THRB: variants seen among roughly 807,000 people sequenced by gnomAD.
THRB encodes thyroid hormone receptor beta.
In THRB, 12 loss-of-function variants were observed where a neutral mutation model predicts 47.8. The ratio of observed to expected loss-of-function variants is 0.25; its 90% CI spans 0.16 to 0.41. The LOEUF is 0.41. THRB is among the 10% of genes least tolerant of loss of function. The pLI is 1.00. For synonymous variants in THRB, 218 were observed against 212.2 expected (o/e 1.03, Z -0.24); for missense variants, 348 against 589.2 (o/e 0.59, Z 4.24).
intron 3 of THRB, among the ~76,000 whole-genome samples, chr3:24,246,267 C>T (rs2050103217): frequency 6.6e-6 from 1 of 152,086 alleles, no homozygotes; most frequent in Admixed American, 6.5e-5. Context: ...CCGTAGGGTC[C>T]TGGTCATTTT....
At chr3:24,242,341 A>G (rs1051563889) in intron 3 of THRB, among the ~76,000 whole-genome samples, 1 of 151,894 alleles carries the variant, frequency 6.6e-6, no homozygotes, top group Non-Finnish European at 1.5e-5. Context: ...GAACAATAGA[A>G]CCAGATTGCT....
At chr3:24,451,438 T>C (rs2072644608) in intron 1 of THRB, among the ~76,000 whole-genome samples, 1 of 152,122 alleles carries the variant, frequency 6.6e-6, no homozygotes, top group African/African-American at 2.4e-5. Flanking sequence ...GGTTTCACTA[T>C]GTTAGCCAAG....
chr3:24,479,069 T>C (rs1695948803), intron 1 of THRB, among the ~76,000 whole-genome samples: 1 of 151,918 alleles, frequency 6.6e-6, no homozygotes, highest in Non-Finnish European at 1.5e-5. Context: ...GAGGCCAAGG[T>C]GGGAGGATCA....
intron 1 of THRB, among the ~76,000 whole-genome samples, chr3:24,424,340 C>A (rs1470980310): frequency 6.6e-6 from 1 of 151,752 alleles, no homozygotes; most frequent in Non-Finnish European, 1.5e-5. Flanking sequence ...TGAAATAATC[C>A]CTAGGATTGA....
chr3:24,339,364 GGTAA>G (rs1192344107), intron 1 of THRB, among the ~76,000 whole-genome samples: 3 of 152,028 alleles, frequency 2.0e-5, no homozygotes, highest in African/African-American at 7.2e-5. Context: ...GACCGTATGA[GGTAA>G]GTATTATAAA....
intron 3 of THRB, among the ~76,000 whole-genome samples, chr3:24,292,647 G>T (rs1340936228): frequency 1.3e-5 from 2 of 152,144 alleles, no homozygotes; most frequent in African/African-American, 4.8e-5. Flanking sequence ...TCAGCACTGT[G>T]CCTGGCAAAT....
At chr3:24,376,916 G>A (rs564323801) in intron 1 of THRB, among the ~76,000 whole-genome samples, 29 of 152,134 alleles carry the variant, frequency 1.9e-4, no homozygotes, top group South Asian at 6.2e-4. Flanking sequence ...TGCTGTTTCT[G>A]CCTGCCCAAA....
At chr3:24,309,340 C>G (rs1195627419) in intron 2 of THRB, among the ~76,000 whole-genome samples, 1 of 152,306 alleles carries the variant, frequency 6.6e-6, no homozygotes, top group East Asian at 1.9e-4. Flanking sequence ...TGTTTCTTTA[C>G]TCTCTTTGAG....
At chr3:24,300,076 C>T (rs1388288397) in intron 2 of THRB, among the ~76,000 whole-genome samples, 1 of 152,038 alleles carries the variant, frequency 6.6e-6, no homozygotes, top group Admixed American at 6.6e-5. Flanking sequence ...AATATTTTCC[C>T]TATGCCTGAG....
At chr3:24,448,034 T>C (rs939815400) in intron 1 of THRB, among the ~76,000 whole-genome samples, 1 of 152,054 alleles carries the variant, frequency 6.6e-6, no homozygotes, top group African/African-American at 2.4e-5. Context: ...ATCTTGTTGG[T>C]CAGCAAGAAG....
chr3:24,337,781 AG>A (rs1372072787), intron 1 of THRB, among the ~76,000 whole-genome samples: 2 of 152,224 alleles, frequency 1.3e-5, no homozygotes, highest in Non-Finnish European at 2.9e-5. Flanking sequence ...TTCCTGGAAT[AG>A]GTCTCAACAT....
At chr3:24,177,932 C>CT (rs1044204666) in intron 5 of THRB, among the ~76,000 whole-genome samples, 32 of 151,972 alleles carry the variant, frequency 2.1e-4, no homozygotes, top group African/African-American at 7.5e-4. Flanking sequence ...GTGGCTGTGT[C>CT]TTTTTTTTAA....
chr3:24,190,314 C>A lies in THRB; in HGVS notation c.43G>T (p.Asp15Tyr), dbSNP rs1414721864. 1 of 1,614,070 alleles carries A rather than the reference C, an allele frequency of 6.2e-7. No individual in the cohort carries two copies. Residue 15 changes from aspartate to tyrosine, a missense_variant, in exon 5 of 11, where the codon GAC becomes TAC. Physicochemically the swap from Asp to Tyr is radical, Grantham distance 160. Around this residue, in one of 5 missense-constraint regions of THRB, gnomAD observed 148 missense variants for 122.3 expected, o/e 1.21. Transcript: ENST00000646209. ...SMTENGLTAW[D>Y]KPKHCPDREH... ...CGGTCTGGACAGTGCTTCGGTTTGT[C>A]CCAGGCTGTAAGGCCATTTTCTAAA...
chr3:24,185,003 CTTTGTTAT>C (rs536069646), intron 5 of THRB, among the ~76,000 whole-genome samples: 19 of 152,156 alleles, frequency 1.2e-4, no homozygotes, highest in Non-Finnish European at 2.5e-4. Context: ...TTTTAAGACA[CTTTGTTAT>C]TTTGGTAAAT....
intron 1 of THRB, chr3:24,483,776 T>C (rs1314633736): frequency 6.6e-6 from 1 of 152,236 alleles, no homozygotes; most frequent in Non-Finnish European, 1.5e-5. Context: ...AGTAGCATAG[T>C]GTAGCAAAGA....
intron 7 of THRB, chr3:24,144,744 T>C (rs1396326460): frequency 6.6e-6 from 1 of 152,084 alleles, no homozygotes; most frequent in Non-Finnish European, 1.5e-5. Context: ...ACTCTGTCTT[T>C]TCACAGAAAG....
At chr3:24,399,736 A>G (rs904507825) in intron 1 of THRB, among the ~76,000 whole-genome samples, 16 of 152,126 alleles carry the variant, frequency 1.1e-4, no homozygotes, top group African/African-American at 3.9e-4. Context: ...TATAGAAACA[A>G]ACACCCAGAG....
Position 24,184,340 on chromosome 3 carries a change from T to C in THRB, c.283+5734A>G, listed in dbSNP as rs189136136. Among the ~76,000 whole-genome samples, 12 of 152,302 alleles carry C rather than the reference T, an allele frequency of 7.9e-5. No individual in the cohort carries two copies. In the East Asian group the frequency reaches 2.1e-3, roughly 27 times the overall value. On this transcript the variant is annotated intron_variant, in intron 5 of 10. Transcript: ENST00000646209. ...GTAAGTATTTCCCTGGGACAGAGTA[T>C]GATGAGAGGTATGGTTGGGTACGTC...
At chr3:24,347,627 A>T (rs1315945271) in intron 1 of THRB, among the ~76,000 whole-genome samples, 2 of 150,934 alleles carry the variant, frequency 1.3e-5, no homozygotes, top group Non-Finnish European at 3.0e-5. Flanking sequence ...TTTTTAAAAA[A>T]TTTCTTTTTA....
Sources: allele counts gnomAD v4.1 joint callset (sites outside exome capture counted in the v4.1 genomes callset), GRCh38; gene constraint gnomAD v4.1.1; regional missense constraint gnomAD v4.1.1; transcripts MANE v1.5; gene names NCBI Gene and HGNC (gene_info 2026-07-23, HGNC 2026-07-21).